KBTBD12: variants seen among roughly 807,000 people sequenced by gnomAD.
KBTBD12 encodes the protein kelch repeat and BTB domain containing 12.
In KBTBD12, 53 loss-of-function variants were observed where a neutral mutation model predicts 58.7. That is an observed-to-expected ratio of 0.90 (90% CI 0.72 to 1.14). KBTBD12 has a LOEUF of 1.14. Among genes scored for constraint, KBTBD12 ranks in the 50% most tolerant of loss-of-function variants. The pLI is 0.00. For synonymous variants in KBTBD12, 236 were observed against 259.8 expected, an observed-to-expected ratio of 0.91 and a Z score of 0.88; for missense variants, 704 against 751.3, an observed-to-expected ratio of 0.94 and a Z score of 0.74.
At chr3:127,942,215 T>C (rs1445783728) in intron 4 of KBTBD12, among the ~76,000 whole-genome samples, 4 of 152,222 alleles carry the variant, frequency 2.6e-5, no homozygotes, top group Non-Finnish European at 5.9e-5. Context: ...TATTTTGATA[T>C]ACATAGTCAA....
At chr3:127,983,782 C>G (rs1038137344) in intron 5 of KBTBD12, among the ~76,000 whole-genome samples, 1 of 151,918 alleles carries the variant, frequency 6.6e-6, no homozygotes, top group Non-Finnish European at 1.5e-5. Flanking sequence ...TTCTTGATTT[C>G]TCTCTTTTAC....
intron 4 of KBTBD12, among the ~76,000 whole-genome samples, chr3:127,943,037 A>G (rs1215541519): frequency 1.3e-5 from 2 of 152,166 alleles, no homozygotes; most frequent in Non-Finnish European, 2.9e-5. Flanking sequence ...GCACGAAGCC[A>G]TTTATGAAGG....
chr3:127,947,758 A>C lies in KBTBD12; in HGVS notation c.1493-15431A>C, dbSNP rs930946339. Among the ~76,000 whole-genome samples, 18 of 151,558 alleles carry C rather than the reference A, an allele frequency of 1.2e-4. No homozygotes were observed. In the East Asian group the frequency reaches 1.7e-3, roughly 15 times the overall value. ...CAACAGCCCCACACAACTGCCAAAA[A>C]CCCCCCTGGTCTCTCTTTCCTTCAG... On this transcript the variant is annotated intron_variant, in intron 4 of 5. Transcript: ENST00000405109.
intron 5 of KBTBD12, among the ~76,000 whole-genome samples, chr3:127,982,390 C>A (rs566148597): frequency 1.5e-3 from 224 of 152,242 alleles, no homozygotes; most frequent in African/African-American, 5.2e-3. Flanking sequence ...GCCCCCACAC[C>A]CCGGGAGACA....
chr3:127,933,010 C>T lies in KBTBD12; in HGVS notation c.1492+2727C>T, dbSNP rs978821246. Among the ~76,000 whole-genome samples the T allele has an allele frequency of 5.3e-5, 8 of 151,982 alleles. No individual in the cohort carries two copies. In the East Asian group the frequency reaches 7.7e-4, roughly 15 times the overall value. On this transcript the variant is annotated intron_variant, in intron 4 of 5. Transcript: ENST00000405109. ...AGAAACCTTTTAAGATCTGACATGC[C>T]GGTAAGAATTTAGCAGGCCAAAAGC...
intron 4 of KBTBD12, among the ~76,000 whole-genome samples, chr3:127,941,038 T>C (rs1304127962): frequency 6.6e-6 from 1 of 152,188 alleles, no homozygotes; most frequent in Non-Finnish European, 1.5e-5. Context: ...ATTAAATACA[T>C]TGAATTCTTA....
intron 2 of KBTBD12, 81 bp from the exon 3 acceptor site, chr3:127,927,683 C>A: frequency 9.4e-7 from 1 of 1,068,690 alleles, no homozygotes; most frequent in South Asian, 2.9e-5. Flanking sequence ...TATTTTTGGT[C>A]AGAAAATAAA....
intron 4 of KBTBD12, among the ~76,000 whole-genome samples, chr3:127,935,615 A>C (rs1939812822): frequency 6.6e-6 from 1 of 152,128 alleles, no homozygotes; most frequent in South Asian, 2.1e-4. Context: ...ACAAAAGAAA[A>C]TGATGCACTT....
At chr3:127,949,022 T>C (rs10934833) in intron 4 of KBTBD12, among the ~76,000 whole-genome samples, 31,719 of 152,134 alleles carry the variant, frequency 0.21, 3,664 homozygotes, top group South Asian at 0.38. Flanking sequence ...CTTCCTTGCC[T>C]GCAACCATAA....
At chr3:127,942,104 T>C (rs1410382671) in intron 4 of KBTBD12, among the ~76,000 whole-genome samples, 1 of 152,180 alleles carries the variant, frequency 6.6e-6, no homozygotes, top group Non-Finnish European at 1.5e-5. Context: ...AGGGCCTATC[T>C]TTTACATTTC....
At chr3:127,944,238 G>T (rs989753388) in intron 4 of KBTBD12, among the ~76,000 whole-genome samples, 2 of 151,460 alleles carry the variant, frequency 1.3e-5, no homozygotes, top group Admixed American at 6.6e-5. Flanking sequence ...TTGAAATTTT[G>T]ATGGGGATTG....
In KBTBD12 at chr3:127,923,205, C is replaced by G. The variant is rs1939464863; in HGVS notation, c.144C>G (p.Val48=). Residue 48 remains valine, a synonymous_variant, in exon 2 of 6, where the codon GTC becomes GTG. Transcript: ENST00000405109. ...EGEKFPCHRL[V]LAAFSPYFKA... ...AGAAATTTCCTTGCCACAGACTGGT[C>G]CTGGCTGCATTTAGCCCTTATTTCA... 2 of 1,613,828 alleles carry G rather than the reference C, an allele frequency of 1.2e-6. No individual in the cohort carries two copies. The highest frequency in any genetic ancestry group is 1.7e-6 in the Non-Finnish European group (2 of 1,179,780).
chr3:127,987,512 T>C lies in KBTBD12; in HGVS notation c.*3234T>C, dbSNP rs1940990776. ...TTTGACACTGAGCAAGGAAACACAA[T>C]AAGGAAGTAATTTGGATGCTAGGCT... On this transcript the variant is annotated 3_prime_UTR_variant, in exon 6 of 6. Coordinates refer to ENST00000405109, the MANE Select transcript of KBTBD12 (RefSeq NM_207335.4). 1 of 152,164 alleles carries C rather than the reference T, an allele frequency of 6.6e-6. No individual in the cohort carries two copies. 9.4% of individuals were successfully genotyped at this position (152,164 alleles called of 1,614,324 possible).
At chr3:127,974,010 A>G (rs960960041) in intron 5 of KBTBD12, among the ~76,000 whole-genome samples, 2 of 152,214 alleles carry the variant, frequency 1.3e-5, no homozygotes, top group African/African-American at 4.8e-5. Flanking sequence ...TCAACTTCCT[A>G]TCTGTCCTAC....
chr3:127,917,091 A>G (rs1298330183), intron 1 of KBTBD12, among the ~76,000 whole-genome samples: 1 of 152,210 alleles, frequency 6.6e-6, no homozygotes, highest in Non-Finnish European at 1.5e-5. Context: ...TGCAGCAGAC[A>G]GCAGCTTGGG....
At chr3:127,962,332 A>G (rs1466902193) in intron 4 of KBTBD12, among the ~76,000 whole-genome samples, 2 of 152,230 alleles carry the variant, frequency 1.3e-5, no homozygotes, top group Non-Finnish European at 2.9e-5. Context: ...GTAACAGTGG[A>G]TAGGAAATTT....
chr3:127,935,639 A>C (rs1216316648), intron 4 of KBTBD12, among the ~76,000 whole-genome samples: 1 of 152,116 alleles, frequency 6.6e-6, no homozygotes, highest in Non-Finnish European at 1.5e-5. Flanking sequence ...AATGTGTTAA[A>C]TACAAGAGAG....
intron 5 of KBTBD12, 134 bp downstream of exon 5, chr3:127,963,520 C>A (rs1315464252): frequency 2.0e-5 from 17 of 844,310 alleles, no homozygotes; most frequent in African/African-American, 6.9e-5. Flanking sequence ...AGTCAGGGAC[C>A]CTGTGCAAAA....
intron 4 of KBTBD12, among the ~76,000 whole-genome samples, chr3:127,955,891 G>T (rs924830357): frequency 3.9e-5 from 6 of 152,192 alleles, no homozygotes; most frequent in Middle Eastern, 3.2e-3. Flanking sequence ...GTTGGATAAA[G>T]TTACTTGCTC....
Sources: gnomAD v4.1 joint callset for allele counts (sites outside exome capture counted in the v4.1 genomes callset) on GRCh38, gnomAD v4.1.1 for gene constraint, MANE v1.5 for transcripts, NCBI Gene and HGNC (gene_info 2026-07-23, HGNC 2026-07-21) for gene names.